Variants in TSHZ1 observed in about 807,000 individuals in gnomAD.
TSHZ1 encodes the protein teashirt zinc finger homeobox 1.
Under a neutral mutation model 67.1 loss-of-function variants are expected in TSHZ1, and 12 were observed. That is an observed-to-expected ratio of 0.18 (90% CI 0.11 to 0.29). The LOEUF is 0.29. Among genes scored for constraint, TSHZ1 ranks in the 10% least tolerant of loss-of-function variants. The pLI is 1.00. For missense variants in TSHZ1, 1,305 were observed against 1,413.9 expected (o/e 0.92, Z 1.23); for synonymous variants, 632 against 622.4 (o/e 1.02, Z -0.23).
chr18:75,234,736 A>G (rs1370118781), intron 1 of TSHZ1, among the ~76,000 whole-genome samples: 2 of 152,236 alleles, frequency 1.3e-5, no homozygotes, highest in Non-Finnish European at 2.9e-5. Flanking sequence ...CCTGTTAAAT[A>G]TGACACGTTC....
chr18:75,268,252 C>T (rs538552777), intron 1 of TSHZ1, among the ~76,000 whole-genome samples: 1 of 152,282 alleles, frequency 6.6e-6, no homozygotes, highest in African/African-American at 2.4e-5. Flanking sequence ...TGCCTGCAGT[C>T]GCTGCTCCAG....
At chr18:75,256,218 C>CA (rs1396434694) in intron 1 of TSHZ1, among the ~76,000 whole-genome samples, 1 of 152,150 alleles carries the variant, frequency 6.6e-6, no homozygotes, top group Non-Finnish European at 1.5e-5. Flanking sequence ...CATTGACAGG[C>CA]ATTGTATCAT....
chr18:75,233,901 G>C lies in TSHZ1; in HGVS notation c.40+21985G>C, dbSNP rs1305228857. On this transcript the variant is annotated intron_variant, in intron 1 of 1. Transcript: ENST00000580243. ...GAAGACTGTCTTTATGCAGTGGTTT[G>C]GGAGGATTAATTAATTGATTTTTAG... is the stretch of plus-strand genomic sequence containing the variant. 2.0e-5 allele frequency among the ~76,000 whole-genome samples: 3 copies of C among 152,268 alleles called. No individual in the cohort carries two copies. In the East Asian group the frequency reaches 5.8e-4, roughly 29 times the overall value.
At chr18:75,237,066 C>T (rs530879870) in intron 1 of TSHZ1, among the ~76,000 whole-genome samples, 23 of 152,234 alleles carry the variant, frequency 1.5e-4, no homozygotes, top group East Asian at 3.9e-4. Flanking sequence ...TTCCACTAGG[C>T]GGCTTCTGGG....
At chr18:75,247,039 A>G (rs1440321271) in intron 1 of TSHZ1, among the ~76,000 whole-genome samples, 1 of 152,228 alleles carries the variant, frequency 6.6e-6, no homozygotes, top group Non-Finnish European at 1.5e-5. Flanking sequence ...ATTTCTGAAT[A>G]ATCTTTTTGC....
intron 1 of TSHZ1, chr18:75,284,037 C>A (rs930367102): frequency 2.0e-5 from 3 of 152,622 alleles, no homozygotes; most frequent in Non-Finnish European, 4.4e-5. Flanking sequence ...AATATCTGAA[C>A]CCCAAATACC....
intron 1 of TSHZ1, among the ~76,000 whole-genome samples, chr18:75,272,063 A>G (rs2023565017): frequency 6.6e-6 from 1 of 152,232 alleles, no homozygotes; most frequent in Admixed American, 6.5e-5. Flanking sequence ...TTCCATTCCA[A>G]TGTTGCCAGC....
chr18:75,257,953 C>T (rs2023381989), intron 1 of TSHZ1, among the ~76,000 whole-genome samples: 1 of 152,200 alleles, frequency 6.6e-6, no homozygotes, highest in Admixed American at 6.5e-5. Context: ...CTGTGGACGT[C>T]ACAGCCTCGT....
At chr18:75,269,502 A>G (rs1298717136) in intron 1 of TSHZ1, among the ~76,000 whole-genome samples, 1 of 152,136 alleles carries the variant, frequency 6.6e-6, no homozygotes, top group African/African-American at 2.4e-5. Flanking sequence ...GAAGGCTGGC[A>G]GGTGGCAATG....
At position 75,288,497 on chromosome 18, in the gene TSHZ1, G is replaced by A. The variant is rs1473328098; in HGVS notation, c.3090G>A (p.Glu1030=). 1 of 1,614,116 alleles carries A rather than the reference G, an allele frequency of 6.2e-7. No homozygotes were observed. Among genetic ancestry groups the A allele is most frequent in the Admixed American group, 1.7e-5 (1 of 60,012 alleles). Residue 1030 remains glutamate (E), a synonymous_variant, in exon 2 of 2, where the codon GAG becomes GAA. Transcript: ENST00000580243. The surrounding 1 kb of genome is among the most constrained non-coding windows in gnomAD (Gnocchi z 4.9). ...CTCTGGGCCCACTGGGGGCCACCGA[G>A]GAAGACTTGGGCTCCACATTCCAAT... ...NKTLGPLGAT[E]EDLGSTFQCK...
intron 1 of TSHZ1, chr18:75,221,039 A>C (rs1355589620): frequency 6.6e-6 from 1 of 152,248 alleles, no homozygotes; most frequent in Non-Finnish European, 1.5e-5. Flanking sequence ...GGCTGCTCCC[A>C]GGCTCTGCCT....
rs376781399 is a variant in TSHZ1, at chr18:75,286,574, C to T, written c.1167C>T (p.Tyr389=). 32 of 1,614,220 alleles carry T rather than the reference C, an allele frequency of 2.0e-5. No individual in the cohort carries two copies. Among genetic ancestry groups the T allele is most frequent in the African/African-American group, 9.3e-5 (7 of 75,066 alleles). ...AGGATCAGAAAGCAGCGAACCCGTA[C>T]GTCACGCCCAATAACCGCTATGGCT... ...SAKDQKAANP[Y]VTPNNRYGYQ... Residue 389 remains tyrosine, a synonymous_variant, in exon 2 of 2, where the codon TAC becomes TAT. Coordinates refer to ENST00000580243, the MANE Select transcript of TSHZ1 (RefSeq NM_001308210.2). This position sits in a 1 kb window ranked among gnomAD's most constrained non-coding sequence, Gnocchi z 5.1.
At chr18:75,230,843 C>T (rs1186744973) in intron 1 of TSHZ1, among the ~76,000 whole-genome samples, 1 of 152,208 alleles carries the variant, frequency 6.6e-6, no homozygotes, top group Non-Finnish European at 1.5e-5. Context: ...CTCACAGATA[C>T]TCTTCCAACG....
rs144151793 is a variant in TSHZ1 at position 75,227,084 on chromosome 18, C to G, written c.40+15168C>G. Among the ~76,000 whole-genome samples the G allele has an allele frequency of 2.6e-5, 4 of 152,240 alleles. No individual in the cohort carries two copies. In the East Asian group the frequency reaches 5.8e-4, roughly 22 times the overall value. Reference sequence around the variant, plus strand: ...CATGACCCAGGTGCCCCTGCATCTCCCCACTTTCTAGCAGGCTTTAAGGAT... The same window carrying G: ...CATGACCCAGGTGCCCCTGCATCTCGCCACTTTCTAGCAGGCTTTAAGGAT... On this transcript the variant is annotated intron_variant, in intron 1 of 1. Transcript: ENST00000580243.
At chr18:75,246,630 C>T (rs1196977457) in intron 1 of TSHZ1, among the ~76,000 whole-genome samples, 1 of 152,012 alleles carries the variant, frequency 6.6e-6, no homozygotes, top group African/African-American at 2.4e-5. Context: ...GGAGATCATG[C>T]TCAAGTCATG....
intron 1 of TSHZ1, among the ~76,000 whole-genome samples, chr18:75,269,378 C>A (rs1178317326): frequency 6.6e-6 from 1 of 152,102 alleles, no homozygotes; most frequent in Non-Finnish European, 1.5e-5. Context: ...TCAAGGAGAC[C>A]TGGCCCAGCA....
intron 1 of TSHZ1, among the ~76,000 whole-genome samples, chr18:75,250,784 A>G (rs1296689550): frequency 6.6e-6 from 1 of 152,350 alleles, no homozygotes; most frequent in Non-Finnish European, 1.5e-5. Context: ...CTGGGTCAAC[A>G]GTGGCTTGAT....
intron 1 of TSHZ1, among the ~76,000 whole-genome samples, chr18:75,246,403 G>GGTGTGTGTGTGTGTGT (rs74178999): frequency 0.076 from 8,209 of 108,312 alleles, 799 homozygotes; most frequent in Middle Eastern, 0.12. Flanking sequence ...TTTGGTTTCT[G>GGTGTGTGTGTGTGTGT]GTGTGTGTGT....
intron 1 of TSHZ1, among the ~76,000 whole-genome samples, chr18:75,262,241 G>A (rs1599046495): frequency 6.6e-6 from 1 of 152,194 alleles, no homozygotes; most frequent in Non-Finnish European, 1.5e-5. Context: ...ACCTTAAGGA[G>A]CTGCCTTCCC....
Sources: allele counts gnomAD v4.1 joint callset (sites outside exome capture counted in the v4.1 genomes callset), GRCh38; gene constraint gnomAD v4.1.1; non-coding constraint Gnocchi (gnomAD v3.1); transcripts MANE v1.5; gene names NCBI Gene and HGNC (gene_info 2026-07-23, HGNC 2026-07-21).